NHSL1: variants seen among roughly 807,000 people sequenced by gnomAD.
NHSL1 encodes the protein NHS-like protein 1.
NHSL1 carries 48 observed loss-of-function variants against 95.0 expected under a neutral mutation model. That is an observed-to-expected ratio of 0.51 (90% CI 0.40 to 0.64). The LOEUF (loss-of-function observed/expected upper bound fraction) is 0.64, where lower values mean the gene tolerates loss of function less well. Ranked by LOEUF, NHSL1 falls within the 30% of genes least tolerant of loss-of-function variation. The probability of loss-of-function intolerance (pLI) is 0.00; values close to 1 mark genes in which losing one functional copy is unlikely to be tolerated. For synonymous variants in NHSL1, 783 were observed against 833.9 expected (o/e 0.94, Z 1.05); for missense variants, 1,971 against 2,077.7 (o/e 0.95, Z 1.00).
upstream of NHSL1, among the ~76,000 whole-genome samples, chr6:138,575,313 G>A (rs778156875): frequency 7.2e-5 from 11 of 152,172 alleles, no homozygotes; most frequent in African/African-American, 2.2e-4. Flanking sequence ...AGTAACTGGC[G>A]TGTTTTCCTC....
At position 138,473,496 on chromosome 6, in the gene NHSL1, CT is replaced by C. The variant is rs956114842; in HGVS notation, c.212-64del. On this transcript the variant is annotated intron_variant, in intron 2 of 7. Coordinates refer to ENST00000343505, the MANE Select transcript of NHSL1 (RefSeq NM_001144060.2). ...AAAAAGCTGTACTCCTCTTTACTTA[CT>C]TTACGTTTACTCCTCTTTTTTACTT... is the stretch of plus-strand genomic sequence containing the variant. 4 of 1,322,748 alleles carry C rather than the reference CT, an allele frequency of 3.0e-6. No individual in the cohort carries two copies. The African/African-American group carries it at 6.0e-5, about 20-fold the overall frequency. The allele number at this position is 1,322,748 out of a possible 1,614,324, so 81.9% of individuals were successfully genotyped here.
At chr6:138,650,125 G>A (rs1785070174) in intron 1 of NHSL1, 2 of 531,486 alleles carry the variant, frequency 3.8e-6, no homozygotes, top group Admixed American at 2.2e-5. Context: ...ACATCTGGTT[G>A]TTGTTGGGTT....
intron 1 of NHSL1, among the ~76,000 whole-genome samples, chr6:138,580,462 A>C (rs1246127383): frequency 6.6e-6 from 1 of 152,206 alleles, no homozygotes; most frequent in Admixed American, 6.5e-5. Flanking sequence ...AGATTTAGCC[A>C]ACCAGTGGTG....
At chr6:138,683,391 C>G (rs980468312) in intron 1 of NHSL1, among the ~76,000 whole-genome samples, 9 of 152,238 alleles carry the variant, frequency 5.9e-5, no homozygotes, top group Admixed American at 5.9e-4. Context: ...GACGCACACA[C>G]ATGCTAACTC....
intron 1 of NHSL1, among the ~76,000 whole-genome samples, chr6:138,612,227 T>C (rs1383033681): frequency 6.6e-6 from 1 of 151,892 alleles, no homozygotes; most frequent in African/African-American, 2.4e-5. Flanking sequence ...AAATTTGAAA[T>C]GCATATACCA....
chr6:138,427,216 T>C (rs1007483146), intron 7 of NHSL1, among the ~76,000 whole-genome samples: 11 of 152,142 alleles, frequency 7.2e-5, no homozygotes, highest in Admixed American at 1.3e-4. Flanking sequence ...ATTGTAGACA[T>C]AGAATTAAGA....
At chr6:138,455,523 G>GAGCCCCGCCTTCACATGCTCCCTGCAAGA (rs1562287913) in intron 3 of NHSL1, among the ~76,000 whole-genome samples, 14 of 64,560 alleles carry the variant, frequency 2.2e-4, no homozygotes, top group African/African-American at 9.1e-4. Context: ...TCCCTGCAAG[G>GAGCCCCGCCTTCACATGCTCCCTGCAAGA]AGCCCCGCCT....
At chr6:138,635,950 TAAAAAAA>T (rs930630887) in intron 1 of NHSL1, among the ~76,000 whole-genome samples, 1 of 94,386 alleles carries the variant, frequency 1.1e-5, no homozygotes, top group African/African-American at 4.1e-5. Context: ...CCGTCTCTAC[TAAAAAAA>T]AAAAAAAAAA....
intron 5 of NHSL1, among the ~76,000 whole-genome samples, chr6:138,440,678 T>C (rs370041662): frequency 1.2e-4 from 18 of 152,324 alleles, no homozygotes; most frequent in Middle Eastern, 3.4e-3. Context: ...TAAAGAAAAG[T>C]GAGTCTGTGC....
At chr6:138,649,814 C>T (rs1243092608) in intron 1 of NHSL1, among the ~76,000 whole-genome samples, 2 of 152,176 alleles carry the variant, frequency 1.3e-5, no homozygotes, top group Admixed American at 1.3e-4. Context: ...GAGAATGATG[C>T]TCCCAGCTGA....
chr6:138,649,389 T>C (rs1785058862), intron 1 of NHSL1, among the ~76,000 whole-genome samples: 1 of 151,798 alleles, frequency 6.6e-6, no homozygotes, highest in South Asian at 2.1e-4. Context: ...TGGACCTATA[T>C]ATAATATATA....
chr6:138,651,216 T>C (rs1432125006), intron 1 of NHSL1, among the ~76,000 whole-genome samples: 2 of 152,232 alleles, frequency 1.3e-5, no homozygotes, highest in Non-Finnish European at 2.9e-5. Context: ...ACAAGCTTTT[T>C]CCATTTATTA....
intron 1 of NHSL1, among the ~76,000 whole-genome samples, chr6:138,628,124 C>T (rs1400772381): frequency 1.4e-4 from 21 of 149,744 alleles, no homozygotes; most frequent in Admixed American, 1.4e-3. Flanking sequence ...ACCAGCCTGA[C>T]CAATGTGGAG....
At position 138,430,484 on chromosome 6, in the gene NHSL1, G is replaced by A; in HGVS notation, c.3861C>T (p.Val1287=). 1 of 1,551,128 alleles carries A rather than the reference G, an allele frequency of 6.4e-7. No homozygotes were observed. The highest frequency in any genetic ancestry group is 2.4e-5 in the East Asian group (1 of 40,890). The change falls in exon 6 of 8, where the codon GTC becomes GTT. Residue 1287 remains valine (V), a synonymous_variant. Coordinates refer to ENST00000343505, the MANE Select transcript of NHSL1 (RefSeq NM_001144060.2). The surrounding 1 kb of genome is among the most constrained non-coding windows in gnomAD (Gnocchi z 4.7). The part of the protein sequence containing the change: ...EANVPMVQPD[V]SPAPKQEEPA... ...GCTCCTCCTGCTTGGGGGCTGGTGA[G>A]ACATCAGGCTGAACCATGGGGACAT...
At chr6:138,451,832 C>A (rs1480852925) in intron 3 of NHSL1, among the ~76,000 whole-genome samples, 1 of 152,152 alleles carries the variant, frequency 6.6e-6, no homozygotes, top group Non-Finnish European at 1.5e-5. Context: ...GGTCTCAAAA[C>A]AAAATCTCCC....
upstream of NHSL1, among the ~76,000 whole-genome samples, chr6:138,573,498 T>C (rs1452788094): frequency 1.3e-5 from 2 of 152,204 alleles, no homozygotes; most frequent in African/African-American, 2.4e-5. Context: ...GAATTTTGCA[T>C]CATACATCTA....
chr6:138,630,774 TG>T (rs1181620175), intron 1 of NHSL1, among the ~76,000 whole-genome samples: 1 of 152,190 alleles, frequency 6.6e-6, no homozygotes, highest in East Asian at 1.9e-4. Context: ...TCTCTAAATA[TG>T]CTTGAGCTAA....
chr6:138,470,890 CA>C (rs1778707264), intron 3 of NHSL1, among the ~76,000 whole-genome samples: 1 of 152,168 alleles, frequency 6.6e-6, no homozygotes, highest in Admixed American at 6.5e-5. Context: ...CTAGTGATGC[CA>C]GTGCCAGCAA....
At chr6:138,673,836 C>T (rs1366028865) in intron 1 of NHSL1, among the ~76,000 whole-genome samples, 2 of 152,156 alleles carry the variant, frequency 1.3e-5, no homozygotes, top group Non-Finnish European at 1.5e-5. Flanking sequence ...ATGTACTTTA[C>T]CAAAAGCTTG....
Sources: gnomAD v4.1 joint callset for allele counts (sites outside exome capture counted in the v4.1 genomes callset) on GRCh38, gnomAD v4.1.1 for gene constraint, Gnocchi (gnomAD v3.1) non-coding constraint, MANE v1.5 for transcripts, NCBI Gene and HGNC (gene_info 2026-07-23, HGNC 2026-07-21) for gene names.